The following FRMD4A variants were observed in gnomAD, a reference collection of about 807,000 sequenced individuals.
The protein encoded by FRMD4A is FERM domain-containing protein 4A.
In FRMD4A, 29 loss-of-function variants were observed where a neutral mutation model predicts 129.1. That is an observed-to-expected ratio of 0.22 (90% CI 0.17 to 0.31). The LOEUF (loss-of-function observed/expected upper bound fraction) is 0.31, where lower values mean the gene tolerates loss of function less well. Among genes scored for constraint, FRMD4A ranks in the 10% least tolerant of loss-of-function variants. The probability of loss-of-function intolerance (pLI) is 1.00; values close to 1 mark genes in which losing one functional copy is unlikely to be tolerated. For synonymous variants in FRMD4A, 634 were observed against 571.6 expected, an observed-to-expected ratio of 1.11 and a Z score of -1.56; for missense variants, 1,272 against 1,375.8, an observed-to-expected ratio of 0.92 and a Z score of 1.19.
intron 2 of FRMD4A, among the ~76,000 whole-genome samples, chr10:13,874,363 A>T (rs2094469653): frequency 6.6e-6 from 1 of 152,068 alleles, no homozygotes; most frequent in East Asian, 1.9e-4. Flanking sequence ...TCTCTCCCCA[A>T]AATAAATCCC....
intron 11 of FRMD4A, among the ~76,000 whole-genome samples, chr10:13,739,759 T>G (rs117352069): frequency 0.023 from 3,480 of 152,268 alleles, 202 homozygotes; most frequent in East Asian, 0.17. Context: ...GCAATCTTCC[T>G]GACCAAGTCC....
At chr10:13,968,197 C>A (rs58390027) in intron 2 of FRMD4A, among the ~76,000 whole-genome samples, 2 of 152,080 alleles carry the variant, frequency 1.3e-5, no homozygotes, top group African/African-American at 4.8e-5. Context: ...AAATCAGAAC[C>A]GCTGGGAGTC....
At chr10:13,830,981 G>C (rs1050463430) in intron 3 of FRMD4A, among the ~76,000 whole-genome samples, 3 of 152,142 alleles carry the variant, frequency 2.0e-5, no homozygotes, top group Non-Finnish European at 4.4e-5. Flanking sequence ...GTAGAGACAG[G>C]GTTTTGCCAT....
chr10:13,849,707 G>A lies in FRMD4A; in HGVS notation c.111+9140C>T, dbSNP rs575679640. ...TTGGTCAGGCTGGTCTCAAAGTCCC[G>A]ACCTCAGGTGACCCACCCGCCTCGG... On this transcript the variant is annotated intron_variant, in intron 3 of 24. Coordinates refer to ENST00000357447, the MANE Select transcript of FRMD4A (RefSeq NM_018027.5). Among the ~76,000 whole-genome samples, 11 of 151,232 alleles carry A rather than the reference G, an allele frequency of 7.3e-5. No homozygotes were observed. In the East Asian group the frequency reaches 1.6e-3, roughly 22 times the overall value.
At chr10:14,120,381 C>T (rs1248604811) in intron 2 of FRMD4A, among the ~76,000 whole-genome samples, 2 of 152,146 alleles carry the variant, frequency 1.3e-5, no homozygotes, top group African/African-American at 4.8e-5. Flanking sequence ...TACCCTCTCC[C>T]ATACTCCCAG....
intron 15 of FRMD4A, among the ~76,000 whole-genome samples, chr10:13,690,754 C>G (rs571478071): frequency 1.3e-5 from 2 of 152,146 alleles, no homozygotes; most frequent in Non-Finnish European, 2.9e-5. Flanking sequence ...CCAGCTGCTA[C>G]TACTAACTCC....
chr10:14,283,291 A>G (rs1342906988), intron 2 of FRMD4A, among the ~76,000 whole-genome samples: 1 of 152,232 alleles, frequency 6.6e-6, no homozygotes, highest in African/African-American at 2.4e-5. Context: ...TTGAATTGGA[A>G]TGACTTCTGC....
intron 21 of FRMD4A, among the ~76,000 whole-genome samples, chr10:13,659,019 T>C (rs979853908): frequency 2.6e-5 from 4 of 152,202 alleles, no homozygotes; most frequent in Non-Finnish European, 4.4e-5. Flanking sequence ...AGTAGAAAGA[T>C]AGAAGACCTC....
chr10:13,775,630 T>C (rs913228311), intron 6 of FRMD4A, among the ~76,000 whole-genome samples: 15 of 151,882 alleles, frequency 9.9e-5, no homozygotes, highest in African/African-American at 3.6e-4. Flanking sequence ...GAGGACCCAA[T>C]ACAGAACGAG....
chr10:14,044,041 C>A (rs1833888395), intron 2 of FRMD4A, among the ~76,000 whole-genome samples: 1 of 152,174 alleles, frequency 6.6e-6, no homozygotes, highest in South Asian at 2.1e-4. Flanking sequence ...GTTGCCCAGG[C>A]TGGTCTCCAG....
chr10:13,780,567 C>A (rs1211617680), intron 6 of FRMD4A, among the ~76,000 whole-genome samples: 2 of 152,178 alleles, frequency 1.3e-5, no homozygotes, highest in South Asian at 4.1e-4. Context: ...TGGCCAACAG[C>A]ATGCGGACAT....
chr10:13,816,705 T>A (rs57168630), intron 3 of FRMD4A, among the ~76,000 whole-genome samples: 2,981 of 152,344 alleles, frequency 0.02, 98 homozygotes, highest in African/African-American at 0.067. Flanking sequence ...TTTGAAGGGA[T>A]GTTTACAGAA....
intron 2 of FRMD4A, chr10:13,972,315 T>C: frequency 1.0e-6 from 1 of 986,752 alleles, no homozygotes; most frequent in Non-Finnish European, 1.2e-6. Context: ...GGAGAACCCA[T>C]GAGTTTCCAC....
In FRMD4A at chr10:13,657,012, G is replaced by GC. The variant is rs772957198; in HGVS notation, c.2576dup (p.His860ProfsTer140). On this transcript the variant is annotated frameshift_variant, in exon 22 of 25. Coordinates refer to ENST00000357447, the MANE Select transcript of FRMD4A (RefSeq NM_018027.5). LOFTEE classifies it high-confidence loss of function. ...TGAACTGAGCCTTGACGCTGTAGTGGCCCTCCTGGTCGCTCTCCAGGCTGC... is the reference window on the plus strand; with the variant it reads ...TGAACTGAGCCTTGACGCTGTAGTGGCCCCTCCTGGTCGCTCTCCAGGCTGC... The GC allele has an allele frequency of 6.4e-7, 1 of 1,568,372 alleles. No homozygotes were observed. The highest frequency in any genetic ancestry group is 8.6e-7 in the Non-Finnish European group (1 of 1,164,202).
At chr10:13,891,700 A>T (rs2094698824) in intron 2 of FRMD4A, 20 of 984,862 alleles carry the variant, frequency 2.0e-5, no homozygotes, top group Non-Finnish European at 2.3e-5. Context: ...CGGGCGTCCC[A>T]TTCGCCCGGG....
intron 3 of FRMD4A, among the ~76,000 whole-genome samples, chr10:13,812,423 C>A (rs1285842917): frequency 1.3e-5 from 2 of 152,190 alleles, no homozygotes; most frequent in Non-Finnish European, 2.9e-5. Flanking sequence ...AAAGGTGGCC[C>A]TCACCAGGAG....
intron 2 of FRMD4A, among the ~76,000 whole-genome samples, chr10:14,261,098 C>T: frequency 6.6e-6 from 1 of 152,142 alleles, no homozygotes; most frequent in East Asian, 1.9e-4. Flanking sequence ...TGGCTTTGAG[C>T]CATAAAGCAG....
rs576099033 is a variant in FRMD4A at position 14,185,533 on chromosome 10, GGAAACTT to G, written c.45+144518_45+144524del. On this transcript the variant is annotated intron_variant, in intron 2 of 24. Transcript: ENST00000357447. ...TTTTGGAGGTTTGTTGTAGAACTAT[GGAAACTT>G]GAAACATAAAGCAAGACTATTTAAA... Among the ~76,000 whole-genome samples, 413 of 152,284 alleles carry G rather than the reference GGAAACTT, an allele frequency of 2.7e-3. 3 individuals carry two copies. The highest frequency in any genetic ancestry group is 9.6e-3 in the African/African-American group (397 of 41,566).
chr10:14,013,684 C>T (rs1312122782), intron 2 of FRMD4A, among the ~76,000 whole-genome samples: 1 of 152,158 alleles, frequency 6.6e-6, no homozygotes, highest in African/African-American at 2.4e-5. Context: ...GTAATCCCAG[C>T]ACTTTGGGAG....
Sources: allele counts gnomAD v4.1 joint callset (sites outside exome capture counted in the v4.1 genomes callset), GRCh38; gene constraint gnomAD v4.1.1; transcripts MANE v1.5; gene names NCBI Gene and HGNC (gene_info 2026-07-23, HGNC 2026-07-21).